The following CNNM2 variants were observed in gnomAD, a reference collection of about 807,000 sequenced individuals.
CNNM2 encodes the protein metal transporter CNNM2.
Under a neutral mutation model 66.9 loss-of-function variants are expected in CNNM2, and 12 were observed. That is an observed-to-expected ratio of 0.18 (90% CI 0.11 to 0.29). The LOEUF (loss-of-function observed/expected upper bound fraction) is 0.29. CNNM2 is among the 10% of genes least tolerant of loss of function. The pLI, the probability that CNNM2 is intolerant of heterozygous loss-of-function variation, is 1.00. For missense variants in CNNM2, 705 were observed against 1,167.7 expected (o/e 0.60, Z 5.77); for synonymous variants, 557 against 501.8 (o/e 1.11, Z -1.47).
At chr10:102,969,956 T>A (rs1176639687) in intron 1 of CNNM2, among the ~76,000 whole-genome samples, 1 of 152,230 alleles carries the variant, frequency 6.6e-6, no homozygotes, top group African/African-American at 2.4e-5. Flanking sequence ...TAACTGTATT[T>A]TTTTCTAAAG....
rs557803475 is a variant in CNNM2, at chr10:102,992,892, A to T, written c.1622-56815A>T. ...GTCATAATTGCAGCCTCACTAGGGT[A>T]TCTGTGATCTAGGAGGGATTTTTGA... is the stretch of plus-strand genomic sequence containing the variant. On this transcript the variant is annotated intron_variant, in intron 1 of 7. Coordinates refer to ENST00000369878, the MANE Select transcript of CNNM2 (RefSeq NM_017649.5). Among the ~76,000 whole-genome samples, 9 of 152,288 alleles carry T rather than the reference A, an allele frequency of 5.9e-5. No homozygotes were observed. In the South Asian group the frequency reaches 1.7e-3, roughly 28 times the overall value.
rs1195246042 is a variant in CNNM2 at position 103,054,308 on chromosome 10, C to G, written c.1766-21C>G. The G allele has an allele frequency of 1.9e-6, 3 of 1,598,064 alleles. No homozygotes were observed. The highest frequency in any genetic ancestry group is 2.2e-5 in the East Asian group (1 of 44,772). On this transcript the variant is annotated intron_variant, in intron 2 of 7. Transcript: ENST00000369878. This position sits in a 1 kb window ranked among gnomAD's most constrained non-coding sequence, Gnocchi z 5.2. ...ATGGGATGCATTTCTTTTTTTTTCTCTCTTTTAATTCCTCCCTTAGCTGAC... is the reference window on the plus strand; with the variant it reads ...ATGGGATGCATTTCTTTTTTTTTCTGTCTTTTAATTCCTCCCTTAGCTGAC...
chr10:102,933,549 T>G (rs1404010992), intron 1 of CNNM2, among the ~76,000 whole-genome samples: 2 of 152,168 alleles, frequency 1.3e-5, no homozygotes, highest in Non-Finnish European at 2.9e-5. Flanking sequence ...AAACATGAGT[T>G]TGTTGAGGTT....
intron 1 of CNNM2, among the ~76,000 whole-genome samples, chr10:102,999,183 G>A (rs1251850754): frequency 2.7e-5 from 4 of 150,382 alleles, no homozygotes; most frequent in East Asian, 1.9e-4. Context: ...CCATTCTCCC[G>A]CCTCAGCCTC....
chr10:103,049,027 G>A (rs776681103), intron 1 of CNNM2, among the ~76,000 whole-genome samples: 4 of 151,950 alleles, frequency 2.6e-5, no homozygotes, highest in Non-Finnish European at 5.9e-5. Flanking sequence ...TTATTTTTTT[G>A]TAGAGACAGG....
At chr10:103,068,338 G>A (rs1411322951) in intron 4 of CNNM2, 3 of 308,272 alleles carry the variant, frequency 9.7e-6, no homozygotes, top group Non-Finnish European at 1.9e-5. Context: ...AACATAAGGA[G>A]ATCTATCTCT....
chr10:102,938,650 C>T (rs1054768852), intron 1 of CNNM2, among the ~76,000 whole-genome samples: 6 of 147,618 alleles, frequency 4.1e-5, no homozygotes, highest in East Asian at 2.0e-4. Flanking sequence ...AAAAAGACAA[C>T]GCCTCTACTC....
chr10:103,014,164 A>G (rs560480719), intron 1 of CNNM2, among the ~76,000 whole-genome samples: 28 of 152,216 alleles, frequency 1.8e-4, no homozygotes, highest in Non-Finnish European at 3.5e-4. Flanking sequence ...TAGACTCTTC[A>G]GTTAAATTCA....
intron 3 of CNNM2, among the ~76,000 whole-genome samples, chr10:103,055,038 C>G (rs915454377): frequency 2.6e-5 from 4 of 152,216 alleles, no homozygotes; most frequent in African/African-American, 7.2e-5. Flanking sequence ...ATGGCCTCCT[C>G]AGATCAGATT....
At chr10:102,926,275 C>T (rs1845856858) in intron 1 of CNNM2, among the ~76,000 whole-genome samples, 1 of 152,096 alleles carries the variant, frequency 6.6e-6, no homozygotes, top group Admixed American at 6.6e-5. Context: ...CTAGGATCAC[C>T]GAAGTCTGAG....
intron 1 of CNNM2, among the ~76,000 whole-genome samples, chr10:102,998,232 TA>T (rs1452775102): frequency 6.6e-6 from 1 of 152,240 alleles, no homozygotes; most frequent in Non-Finnish European, 1.5e-5. Flanking sequence ...TGCATACTTC[TA>T]TTTGCAGAGC....
At chr10:103,066,389 T>G (rs928574954) in intron 4 of CNNM2, among the ~76,000 whole-genome samples, 13 of 152,162 alleles carry the variant, frequency 8.5e-5, no homozygotes, top group African/African-American at 3.1e-4. Flanking sequence ...CCCTGATGGC[T>G]TCTTCGAATC....
chr10:103,002,455 G>C (rs1399466268), intron 1 of CNNM2, among the ~76,000 whole-genome samples: 8 of 151,466 alleles, frequency 5.3e-5, no homozygotes, highest in Admixed American at 5.3e-4. Context: ...GGGCTGGCGA[G>C]GATGTGGCTG....
Position 103,054,368 on chromosome 10 carries a change from G to T in CNNM2, c.1805G>T (p.Arg602Leu), listed in dbSNP as rs762382971. 1 of 1,613,626 alleles carries T rather than the reference G, an allele frequency of 6.2e-7. No homozygotes were observed. The highest frequency in any genetic ancestry group is 1.7e-5 in the Admixed American group (1 of 59,972). ...AAAAAGAAAGTGGCTCACCGGGAAC[G>T]AAAGCAAGATTTTTCTGCCTTTAAG... is the stretch of plus-strand genomic sequence containing the variant. ...RTKKKVAHRE[R>L]KQDFSAFKQT... is the part of the protein sequence containing the mutation. The change falls in exon 3 of 8, where the codon CGA (arginine) becomes CTA (leucine). Residue 602 changes from arginine (R) to leucine (L), a missense_variant. Arg to Leu is a moderately radical substitution (Grantham distance 102, BLOSUM62 -2). This residue lies in a region of CNNM2 where 171 missense variants were observed against 304.8 expected (regional missense o/e 0.56). Transcript: ENST00000369878. This position sits in a 1 kb window ranked among gnomAD's most constrained non-coding sequence, Gnocchi z 5.2.
intron 1 of CNNM2, among the ~76,000 whole-genome samples, chr10:102,981,786 T>C (rs1253320477): frequency 6.6e-6 from 1 of 151,730 alleles, no homozygotes; most frequent in Non-Finnish European, 1.5e-5. Flanking sequence ...TTGCACATAA[T>C]AGTAAGTGTT....
chr10:102,924,351 A>T (rs192502196), intron 1 of CNNM2, among the ~76,000 whole-genome samples: 1 of 152,222 alleles, frequency 6.6e-6, no homozygotes, highest in African/African-American at 2.4e-5. Context: ...GCTTTATAAC[A>T]GTTGCATTCC....
intron 1 of CNNM2, among the ~76,000 whole-genome samples, chr10:102,943,187 T>C (rs1261238547): frequency 1.3e-5 from 2 of 152,118 alleles, no homozygotes; most frequent in African/African-American, 4.8e-5. Flanking sequence ...ATCGTGCCAC[T>C]GCACTTCAGC....
chr10:103,050,660 C>T (rs976667088), intron 2 of CNNM2, among the ~76,000 whole-genome samples: 1 of 151,856 alleles, frequency 6.6e-6, no homozygotes, highest in Non-Finnish European at 1.5e-5. Flanking sequence ...CTTGCTGGGG[C>T]AGTGGGTCGG....
At chr10:103,056,175 A>AG (rs2065293114) in intron 3 of CNNM2, among the ~76,000 whole-genome samples, 2 of 152,218 alleles carry the variant, frequency 1.3e-5, no homozygotes, top group African/African-American at 4.8e-5. Flanking sequence ...GTCCAGTTGT[A>AG]GGATAGCACC....
Sources: gnomAD v4.1 joint callset for allele counts (sites outside exome capture counted in the v4.1 genomes callset) on GRCh38, gnomAD v4.1.1 for gene constraint, gnomAD v4.1.1 regional missense constraint, Gnocchi (gnomAD v3.1) non-coding constraint, MANE v1.5 for transcripts, NCBI Gene and HGNC (gene_info 2026-07-23, HGNC 2026-07-21) for gene names.